The following MAP3K13 variants were observed in gnomAD, a reference collection of about 807,000 sequenced individuals.
MAP3K13 encodes the protein mitogen-activated protein kinase kinase kinase 13.
MAP3K13 carries 52 observed loss-of-function variants against 104.0 expected under a neutral mutation model. The observed-to-expected ratio is 0.50, with a 90% CI of 0.40 to 0.63. MAP3K13 has a LOEUF of 0.63. Among genes scored for constraint, MAP3K13 ranks in the 20% least tolerant of loss-of-function variants. MAP3K13 has a pLI of 0.00. For synonymous variants in MAP3K13, 394 were observed against 442.2 expected, an observed-to-expected ratio of 0.89 and a Z score of 1.37; for missense variants, 914 against 1,218.5, an observed-to-expected ratio of 0.75 and a Z score of 3.72.
In MAP3K13 at chr3:185,443,654, T is replaced by C. The variant is rs1445001003; in HGVS notation, c.851+18T>C. On this transcript the variant is annotated intron_variant, in intron 4 of 13. Transcript: ENST00000265026. Reference sequence around the variant, plus strand: ...TCACCTAAGTGAGTTCTGGGGCTAATGTTTCAGCTATTTTGGTTTGTTGTT... The same window carrying C: ...TCACCTAAGTGAGTTCTGGGGCTAACGTTTCAGCTATTTTGGTTTGTTGTT... The C allele has an allele frequency of 1.9e-6, 3 of 1,601,364 alleles. No homozygotes were observed. Among genetic ancestry groups the C allele is most frequent in the Non-Finnish European group, 2.6e-6 (3 of 1,171,016 alleles).
At position 185,454,628 on chromosome 3, in the gene MAP3K13, T is replaced by TATGTATG. The variant is rs1716219124; in HGVS notation, c.1278+3235_1278+3236insGTATGAT. ...AGATATATATGATATATATATGAGA[T>TATGTATG]ATATATATGAGATATATATATGATA... On this transcript the variant is annotated intron_variant, in intron 7 of 13. Transcript: ENST00000265026. Among the ~76,000 whole-genome samples the TATGTATG allele has an allele frequency of 5.7e-5, 3 of 52,262 alleles. No homozygotes were observed. In the East Asian group the frequency reaches 1.3e-3, roughly 22 times the overall value. The allele number at this position is 52,262 out of a possible 152,430, so 34.3% of individuals were successfully genotyped here.
chr3:185,332,532 TAA>T (rs2108709058), intron 2 of MAP3K13, among the ~76,000 whole-genome samples: 1 of 152,296 alleles, frequency 6.6e-6, no homozygotes, highest in African/African-American at 2.4e-5. Flanking sequence ...CTATACTCAT[TAA>T]ATAACAACTC....
chr3:185,417,876 G>A (rs1713877254), intron 1 of MAP3K13: 3 of 1,605,294 alleles, frequency 1.9e-6, no homozygotes, highest in Non-Finnish European at 2.6e-6. Context: ...GTGCTCAAAG[G>A]GCTCTTTGGA....
intron 1 of MAP3K13, chr3:185,417,550 T>A (rs73885704): frequency 0.037 from 59,165 of 1,611,384 alleles, 2,184 homozygotes; most frequent in East Asian, 0.21. Flanking sequence ...AGGCTTCTTT[T>A]CAGGGGCTGG....
rs1713961114 is a variant in MAP3K13 at position 185,418,872 on chromosome 3, C to A, written c.-85-9625C>A. 2.3e-6 allele frequency: 3 copies of A among 1,322,772 alleles called. No homozygotes were observed. Among genetic ancestry groups the A allele is most frequent in the Non-Finnish European group, 3.1e-6 (3 of 975,186 alleles). The allele number at this position is 1,322,772 out of a possible 1,614,324, so 81.9% of individuals were successfully genotyped here. A position where few individuals can be genotyped will look rare whatever the true frequency, so the allele number is the denominator to read the frequency against. ...TTTTCATCTGTTTTGGGTTTCAGTT[C>A]TCTTAATCATGATCATTCTGCCTTT... On this transcript the variant is annotated intron_variant, in intron 1 of 13. Coordinates refer to ENST00000265026, the MANE Select transcript of MAP3K13 (RefSeq NM_004721.5). The surrounding 1 kb of genome is among the most constrained non-coding windows in gnomAD (Gnocchi z 4.5).
chr3:185,353,429 C>T (rs914346577), intron 2 of MAP3K13, among the ~76,000 whole-genome samples: 2 of 152,172 alleles, frequency 1.3e-5, no homozygotes, highest in Admixed American at 6.5e-5. Context: ...GAACATGGTT[C>T]GAACAGTTGG....
At chr3:185,401,871 T>C (rs995390586) in intron 1 of MAP3K13, among the ~76,000 whole-genome samples, 11 of 152,174 alleles carry the variant, frequency 7.2e-5, no homozygotes, top group African/African-American at 2.2e-4. Context: ...CTCTTTCTTT[T>C]TGGTAGATTA....
intron 2 of MAP3K13, among the ~76,000 whole-genome samples, chr3:185,351,546 G>C (rs1265951083): frequency 2.0e-5 from 3 of 152,082 alleles, no homozygotes; most frequent in Non-Finnish European, 4.4e-5. Context: ...ATCAATTCCT[G>C]GCTCTGCCAT....
chr3:185,473,817 C>T lies in MAP3K13; in HGVS notation c.2430+56C>T. 1 of 1,534,718 alleles carries T rather than the reference C, an allele frequency of 6.5e-7. No homozygotes were observed. The highest frequency in any genetic ancestry group is 8.8e-7 in the Non-Finnish European group (1 of 1,135,664). ...CACTGCCTTCAAAGAATGCCAGAGC[C>T]TGTCATGTTATACACATTAGAGAGC... On this transcript the variant is annotated intron_variant, in intron 11 of 13. Transcript: ENST00000265026. The surrounding 1 kb of genome is among the most constrained non-coding windows in gnomAD (Gnocchi z 4.9).
In MAP3K13 at chr3:185,392,965, T is replaced by C. The variant is rs146702854; in HGVS notation, c.-86+29597T>C. On this transcript the variant is annotated intron_variant, in intron 1 of 13. Transcript: ENST00000265026. ...TACTCGGGAGGCTGAGAGAGGAGAA[T>C]CACTTGAACTCAGTAGATGGAGGTT... Among the ~76,000 whole-genome samples, 733 of 151,950 alleles carry C rather than the reference T, an allele frequency of 4.8e-3. 7 individuals carry two copies. The highest frequency in any genetic ancestry group is 0.016 in the African/African-American group (672 of 41,410).
rs543357167 is a variant in MAP3K13, at chr3:185,475,906, G to A, written c.2431-1420G>A. ...TCAGCTGGTGCAGTTGATTTGGGCCGATCCATTCTCTCCTCTTCCAACTCC... is the reference window on the plus strand; with the variant it reads ...TCAGCTGGTGCAGTTGATTTGGGCCAATCCATTCTCTCCTCTTCCAACTCC... On this transcript the variant is annotated intron_variant, in intron 11 of 13. Transcript: ENST00000265026. Among the ~76,000 whole-genome samples, 148 of 152,150 alleles carry A rather than the reference G, an allele frequency of 9.7e-4. 1 individual carries two copies. The highest frequency in any genetic ancestry group is 1.0e-3 in the South Asian group (5 of 4,812).
chr3:185,336,254 G>C (rs1440971886), intron 2 of MAP3K13, among the ~76,000 whole-genome samples: 1 of 151,946 alleles, frequency 6.6e-6, no homozygotes, highest in Non-Finnish European at 1.5e-5. Context: ...AAAAAGAAAA[G>C]AAATTGGCTG....
Position 185,487,802 on chromosome 3 carries a change from C to T in MAP3K13, c.*5346C>T, listed in dbSNP as rs911298432. The T allele has an allele frequency of 1.3e-5, 2 of 152,224 alleles. No homozygotes were observed. The highest frequency in any genetic ancestry group is 2.9e-5 in the Non-Finnish European group (2 of 68,054). The allele number at this position is 152,224 out of a possible 1,614,324, so 9.4% of individuals were successfully genotyped here. A position where few individuals can be genotyped will look rare whatever the true frequency, so the allele number is the denominator to read the frequency against. On this transcript the variant is annotated 3_prime_UTR_variant, in exon 14 of 14. Transcript: ENST00000265026. Reference sequence around the variant, plus strand: ...CAACATTATGTATTGAGCATCGTATCTTTCCTACTGAGCCTAGACACAGCC... The same window carrying T: ...CAACATTATGTATTGAGCATCGTATTTTTCCTACTGAGCCTAGACACAGCC...
At chr3:185,297,873 ACTCTCT>A (rs370793853) in intron 2 of MAP3K13, among the ~76,000 whole-genome samples, 1 of 147,320 alleles carries the variant, frequency 6.8e-6, no homozygotes, top group South Asian at 2.1e-4. Context: ...AATAAGAGCT[ACTCTCT>A]CTCTCTCTCT....
chr3:185,384,675 G>A (rs796417686), intron 1 of MAP3K13, among the ~76,000 whole-genome samples: 5 of 152,192 alleles, frequency 3.3e-5, no homozygotes, highest in African/African-American at 1.2e-4. Context: ...ATCTCACTGT[G>A]GTTTGATTTG....
chr3:185,336,434 C>T (rs1234461329), intron 2 of MAP3K13, among the ~76,000 whole-genome samples: 1 of 150,828 alleles, frequency 6.6e-6, no homozygotes, highest in African/African-American at 2.4e-5. Flanking sequence ...TGCAGCTACT[C>T]AGGAGGCTGA....
At chr3:185,361,605 C>T (rs1451987918), upstream of MAP3K13, among the ~76,000 whole-genome samples, 2 of 152,136 alleles carry the variant, frequency 1.3e-5, no homozygotes, top group East Asian at 1.9e-4. Context: ...GGGGTTTCAC[C>T]ATGTTAGCCA....
chr3:185,395,807 C>A (rs1712378371), intron 1 of MAP3K13, among the ~76,000 whole-genome samples: 1 of 151,986 alleles, frequency 6.6e-6, no homozygotes, highest in South Asian at 2.1e-4. Flanking sequence ...GCCTCAGCCT[C>A]CCAAGTAGCT....
At position 185,482,538 on chromosome 3, in the gene MAP3K13, C is replaced by T; in HGVS notation, c.*82C>T. The T allele has an allele frequency of 9.7e-7, 1 of 1,032,434 alleles. No individual in the cohort carries two copies. The highest frequency in any genetic ancestry group is 1.5e-6 in the Non-Finnish European group (1 of 670,894). 64.0% of individuals were successfully genotyped at this position (1,032,434 alleles called of 1,614,324 possible). On this transcript the variant is annotated 3_prime_UTR_variant, in exon 14 of 14. Transcript: ENST00000265026. The surrounding 1 kb of genome is among the most constrained non-coding windows in gnomAD (Gnocchi z 4.5). ...CACCCCCAGACTCATCCCACTCTCT[C>T]CCAGCATTTTGTCTGGGAAGAGAGA...
Sources: gnomAD v4.1 joint callset for allele counts (sites outside exome capture counted in the v4.1 genomes callset) on GRCh38, gnomAD v4.1.1 for gene constraint, Gnocchi (gnomAD v3.1) non-coding constraint, MANE v1.5 for transcripts, NCBI Gene and HGNC (gene_info 2026-07-23, HGNC 2026-07-21) for gene names.